The following CNTNAP2 variants were observed in gnomAD, a reference collection of about 807,000 sequenced individuals.
CNTNAP2 encodes the protein contactin associated protein 2, also known as contactin-associated protein-like 2.
In CNTNAP2, 98 loss-of-function variants were observed where a neutral mutation model predicts 155.2. The ratio of observed to expected loss-of-function variants is 0.63; its 90% CI spans 0.54 to 0.75. The LOEUF (loss-of-function observed/expected upper bound fraction) is 0.75. Ranked by LOEUF, CNTNAP2 falls within the 30% of genes least tolerant of loss-of-function variation. CNTNAP2 has a pLI of 0.00. For missense variants in CNTNAP2, 1,727 were observed against 1,688.1 expected, an observed-to-expected ratio of 1.02 and a Z score of -0.40; for synonymous variants, 651 against 631.2, an observed-to-expected ratio of 1.03 and a Z score of -0.47.
At chr7:147,352,300 A>G (rs538477154) in intron 9 of CNTNAP2, among the ~76,000 whole-genome samples, 13 of 152,128 alleles carry the variant, frequency 8.5e-5, no homozygotes, top group East Asian at 1.9e-4. Context: ...TTCTATGTCA[A>G]TTGTACTTAA....
chr7:146,609,952 A>C (rs1251187379), intron 1 of CNTNAP2, among the ~76,000 whole-genome samples: 2 of 152,196 alleles, frequency 1.3e-5, no homozygotes, highest in Non-Finnish European at 1.5e-5. Flanking sequence ...TCTGCACCCC[A>C]GACACAGCGA....
intron 2 of CNTNAP2, among the ~76,000 whole-genome samples, chr7:146,810,189 T>C (rs1049381324): frequency 6.6e-6 from 1 of 152,140 alleles, no homozygotes; most frequent in African/African-American, 2.4e-5. Flanking sequence ...CTGTGCTCTG[T>C]ATTTTGTTTC....
At chr7:146,901,208 A>G (rs1795986055) in intron 3 of CNTNAP2, among the ~76,000 whole-genome samples, 1 of 152,142 alleles carries the variant, frequency 6.6e-6, no homozygotes, top group Admixed American at 6.5e-5. Context: ...TTATGGAGAA[A>G]ATAATTCTCT....
At position 148,058,303 on chromosome 7, in the gene CNTNAP2, G is replaced by A. The variant is rs183562162; in HGVS notation, c.2384-59815G>A. ...CAGAGCAGAGCAAACAGGCAGATGC[G>A]AATACATGCCTATCCCAGCAGCATC... On this transcript the variant is annotated intron_variant, in intron 15 of 23. Transcript: ENST00000361727. Among the ~76,000 whole-genome samples, 16 of 152,132 alleles carry A rather than the reference G, an allele frequency of 1.1e-4. No homozygotes were observed. In the East Asian group the frequency reaches 2.1e-3, roughly 20 times the overall value.
intron 3 of CNTNAP2, among the ~76,000 whole-genome samples, chr7:146,930,377 C>G (rs1383618322): frequency 6.6e-6 from 1 of 152,022 alleles, no homozygotes; most frequent in Non-Finnish European, 1.5e-5. Flanking sequence ...CCTTTACAGA[C>G]AAGCAAATGC....
intron 14 of CNTNAP2, among the ~76,000 whole-genome samples, chr7:147,948,757 T>C (rs906882375): frequency 2.0e-5 from 3 of 151,652 alleles, no homozygotes; most frequent in Non-Finnish European, 4.4e-5. Context: ...GCATATAACA[T>C]TGGACTCCCC....
At chr7:147,607,303 T>G (rs1484373035) in intron 12 of CNTNAP2, among the ~76,000 whole-genome samples, 1 of 152,092 alleles carries the variant, frequency 6.6e-6, no homozygotes, top group African/African-American at 2.4e-5. Context: ...TGGTTCACCT[T>G]TAGTTCAAGG....
At chr7:147,215,051 C>G (rs1359552401) in intron 8 of CNTNAP2, among the ~76,000 whole-genome samples, 2 of 152,094 alleles carry the variant, frequency 1.3e-5, no homozygotes, top group Non-Finnish European at 2.9e-5. Context: ...ATGGGGGAAA[C>G]TACCCCCATG....
At chr7:146,273,251 T>C (rs1800112817) in intron 1 of CNTNAP2, among the ~76,000 whole-genome samples, 1 of 151,670 alleles carries the variant, frequency 6.6e-6, no homozygotes, top group South Asian at 2.1e-4. Context: ...ACTCATTCCA[T>C]CTGTATTATA....
chr7:146,590,094 T>C (rs1343156262), intron 1 of CNTNAP2, among the ~76,000 whole-genome samples: 1 of 152,200 alleles, frequency 6.6e-6, no homozygotes, highest in East Asian at 1.9e-4. Context: ...TCCGGCTTCG[T>C]TGTCTTCTCA....
At chr7:146,570,705 G>C (rs768694239) in intron 1 of CNTNAP2, among the ~76,000 whole-genome samples, 1 of 152,028 alleles carries the variant, frequency 6.6e-6, no homozygotes, top group African/African-American at 2.4e-5. Flanking sequence ...TTTAGATTCT[G>C]TATGTTGACA....
chr7:146,865,994 T>C lies in CNTNAP2; in HGVS notation c.402+26090T>C, dbSNP rs188007555. On this transcript the variant is annotated intron_variant, in intron 3 of 23. Coordinates refer to ENST00000361727, the MANE Select transcript of CNTNAP2 (RefSeq NM_014141.6). ...TCTAAATGAATACATTCTTCTTCTA[T>C]TTCTTATCACATATATTATTCTCAG... Among the ~76,000 whole-genome samples the C allele has an allele frequency of 2.6e-3, 400 of 152,288 alleles. 1 individual carries two copies. Among genetic ancestry groups the C allele is most frequent in the Non-Finnish European group, 4.1e-3 (277 of 68,000 alleles).
intron 10 of CNTNAP2, among the ~76,000 whole-genome samples, chr7:147,437,284 C>T (rs1797565880): frequency 1.3e-5 from 2 of 152,118 alleles, no homozygotes; most frequent in African/African-American, 2.4e-5. Flanking sequence ...TGCAAGTATA[C>T]TGTGAGGCCC....
At chr7:147,575,156 C>A (rs952828651) in intron 12 of CNTNAP2, among the ~76,000 whole-genome samples, 1 of 92,790 alleles carries the variant, frequency 1.1e-5, no homozygotes, top group African/African-American at 4.3e-5. Context: ...TGTGTGTATT[C>A]CCTAGCTTTA....
intron 8 of CNTNAP2, among the ~76,000 whole-genome samples, chr7:147,222,628 T>C (rs937213370): frequency 6.6e-6 from 1 of 152,128 alleles, no homozygotes; most frequent in Non-Finnish European, 1.5e-5. Flanking sequence ...GTATGCTTTG[T>C]AATTTTTTTT....
At chr7:147,669,858 TA>T (rs1362640210) in intron 13 of CNTNAP2, among the ~76,000 whole-genome samples, 2 of 152,142 alleles carry the variant, frequency 1.3e-5, no homozygotes, top group African/African-American at 4.8e-5. Flanking sequence ...TACCATAAAC[TA>T]AATTATGTTT....
intron 11 of CNTNAP2, among the ~76,000 whole-genome samples, chr7:147,516,285 C>T (rs1455141914): frequency 6.6e-6 from 1 of 152,094 alleles, no homozygotes; most frequent in Non-Finnish European, 1.5e-5. Flanking sequence ...CAAAATTACT[C>T]AGGCTCAATG....
intron 8 of CNTNAP2, among the ~76,000 whole-genome samples, chr7:147,195,404 C>T (rs983096959): frequency 5.9e-5 from 9 of 151,850 alleles, no homozygotes; most frequent in Admixed American, 2.6e-4. Context: ...GGCTCTATGG[C>T]GTCTTCTTTG....
chr7:147,015,696 C>A (rs114889218), intron 3 of CNTNAP2, among the ~76,000 whole-genome samples: 1 of 151,820 alleles, frequency 6.6e-6, no homozygotes, highest in Non-Finnish European at 1.5e-5. Flanking sequence ...TTTTTTAAAG[C>A]TGTTTTCTTT....
Sources: gnomAD v4.1 joint callset for allele counts (sites outside exome capture counted in the v4.1 genomes callset) on GRCh38, gnomAD v4.1.1 for gene constraint, MANE v1.5 for transcripts, NCBI Gene and HGNC (gene_info 2026-07-23, HGNC 2026-07-21) for gene names.